The following MARCHF5 variants were observed in gnomAD, a reference collection of about 807,000 sequenced individuals.
MARCHF5 encodes E3 ubiquitin-protein ligase MARCHF5.
Under a neutral mutation model 36.5 loss-of-function variants are expected in MARCHF5, and 5 were observed. That is an observed-to-expected ratio of 0.14 (90% CI 0.07 to 0.29). The LOEUF (loss-of-function observed/expected upper bound fraction) is 0.29. MARCHF5 is among the 10% of genes least tolerant of loss of function. The pLI is 1.00. For synonymous variants in MARCHF5, 103 were observed against 109.9 expected (o/e 0.94, Z 0.39); for missense variants, 179 against 336.3 (o/e 0.53, Z 3.66).
chr10:92,316,547 A>G (rs929664377), intron 2 of MARCHF5, among the ~76,000 whole-genome samples: 1 of 152,148 alleles, frequency 6.6e-6, no homozygotes, highest in African/African-American at 2.4e-5. Context: ...CTTTTACTGA[A>G]TAGAAGTCTG....
chr10:92,300,973 G>A (rs749495525), intron 1 of MARCHF5, among the ~76,000 whole-genome samples: 5 of 148,946 alleles, frequency 3.4e-5, no homozygotes, highest in Non-Finnish European at 7.4e-5. Context: ...GCTCACTGCA[G>A]CCTCCGGGTT....
chr10:92,307,555 G>A (rs1207834708), intron 1 of MARCHF5, among the ~76,000 whole-genome samples: 1 of 151,908 alleles, frequency 6.6e-6, no homozygotes, highest in African/African-American at 2.4e-5. Flanking sequence ...AGGAGATCCT[G>A]TCTCTAAAAA....
At chr10:92,316,134 G>A (rs149974358) in intron 2 of MARCHF5, among the ~76,000 whole-genome samples, 1 of 152,258 alleles carries the variant, frequency 6.6e-6, no homozygotes, top group East Asian at 1.9e-4. Context: ...TATTCTATGG[G>A]ATGATCTCTA....
chr10:92,337,467 G>A (rs933275787), intron 2 of MARCHF5, among the ~76,000 whole-genome samples: 2 of 151,966 alleles, frequency 1.3e-5, no homozygotes, highest in East Asian at 1.9e-4. Flanking sequence ...GCAGTGAGCC[G>A]AGATCGTGCC....
chr10:92,318,947 T>C (rs9731967), intron 2 of MARCHF5, among the ~76,000 whole-genome samples: 16,060 of 152,092 alleles, frequency 0.11, 2,793 homozygotes, highest in African/African-American at 0.37. Flanking sequence ...CCTCAGGTGA[T>C]CCACCCGCCT....
rs558256138 is a variant in MARCHF5 at position 92,345,065 on chromosome 10, A to G, written c.369+4262A>G. On this transcript the variant is annotated intron_variant, in intron 3 of 5. Transcript: ENST00000358935. The stretch of plus-strand genomic sequence containing the variant: ...GAACATTTTATCCTGGAACAGTGGA[A>G]CCTTAATATGTTTAGCCTAGTTCCC... 3.9e-5 allele frequency among the ~76,000 whole-genome samples: 6 copies of G among 152,210 alleles called. No homozygotes were observed. In the South Asian group the frequency reaches 1.2e-3, roughly 32 times the overall value.
intron 2 of MARCHF5, chr10:92,334,343 A>G (rs773580990): frequency 6.6e-6 from 1 of 152,226 alleles, no homozygotes; most frequent in Non-Finnish European, 1.5e-5. Flanking sequence ...CACTTAACAG[A>G]AGGAACTTAT....
At chr10:92,316,745 T>C (rs1216692858) in intron 2 of MARCHF5, among the ~76,000 whole-genome samples, 1 of 151,742 alleles carries the variant, frequency 6.6e-6, no homozygotes, top group Non-Finnish European at 1.5e-5. Context: ...TTTTTCTTTT[T>C]AGAGAGGGGG....
In MARCHF5 at chr10:92,296,881, TATAAACA is replaced by T. The variant is rs1842953738; in HGVS notation, c.35+5355_35+5361del. Among the ~76,000 whole-genome samples, 3 of 152,228 alleles carry T rather than the reference TATAAACA, an allele frequency of 2.0e-5. No individual in the cohort carries two copies. In the East Asian group the frequency reaches 5.8e-4, roughly 29 times the overall value. Reference sequence around the variant, plus strand: ...GCTATACTCTGATAGGAGCATGCTGTATAAACAATTTCACATTTTCTTTGTCAGTTGA... The same window carrying T: ...GCTATACTCTGATAGGAGCATGCTGTATTTCACATTTTCTTTGTCAGTTGA... On this transcript the variant is annotated intron_variant, in intron 1 of 5. Transcript: ENST00000358935.
Position 92,316,787 on chromosome 10 carries a change from G to A in MARCHF5, c.238+5450G>A, listed in dbSNP as rs543385257. Among the ~76,000 whole-genome samples the A allele has an allele frequency of 2.6e-5, 4 of 151,810 alleles. No individual in the cohort carries two copies. The East Asian group carries it at 7.8e-4, about 29-fold the overall frequency. On this transcript the variant is annotated intron_variant, in intron 2 of 5. Transcript: ENST00000358935. ...ATGTTGCCCAGTCTCAAACTTCCTG[G>A]CCTCAAGGGATCCCCCTCCCAAACC...
chr10:92,291,620 C>T lies in MARCHF5; in HGVS notation c.35+91C>T, dbSNP rs534452372. On this transcript the variant is annotated intron_variant, in intron 1 of 5. Coordinates refer to ENST00000358935, the MANE Select transcript of MARCHF5 (RefSeq NM_017824.5). ...CTCGAGGCTCTTGGTGAGCAGAACC[C>T]GGCGTGCCGGGAGGAGTTCCACGGC... The T allele has an allele frequency of 1.9e-5, 27 of 1,428,974 alleles. No homozygotes were observed. In the East Asian group the frequency reaches 7.4e-4, roughly 39 times the overall value. The allele number at this position is 1,428,974 out of a possible 1,614,324, so 88.5% of individuals were successfully genotyped here.
chr10:92,331,127 T>C (rs904291986), intron 2 of MARCHF5, among the ~76,000 whole-genome samples: 1 of 152,234 alleles, frequency 6.6e-6, no homozygotes, highest in Non-Finnish European at 1.5e-5. Context: ...GACTGTGTTA[T>C]ACAGTTAACT....
intron 2 of MARCHF5, among the ~76,000 whole-genome samples, chr10:92,328,821 A>ATATATATATATATATTT (rs372130854): frequency 3.3e-5 from 4 of 122,444 alleles, no homozygotes; most frequent in African/African-American, 1.3e-4. Flanking sequence ...ATATATATAT[A>ATATATATATATATATTT]TTTTTTTTTT....
At chr10:92,298,139 A>G (rs1842969575) in intron 1 of MARCHF5, among the ~76,000 whole-genome samples, 1 of 151,910 alleles carries the variant, frequency 6.6e-6, no homozygotes, top group Non-Finnish European at 1.5e-5. Flanking sequence ...CAAAGGTTGC[A>G]GTGAGCTGAG....
rs1191174512 is a variant in MARCHF5 at position 92,352,720 on chromosome 10, C to T, written c.*1513C>T. The T allele has an allele frequency of 6.6e-6, 1 of 152,376 alleles. No homozygotes were observed. Among genetic ancestry groups the T allele is most frequent in the Admixed American group, 6.6e-5 (1 of 15,248 alleles). The allele number at this position is 152,376 out of a possible 1,614,324, so 9.4% of individuals were successfully genotyped here. On this transcript the variant is annotated 3_prime_UTR_variant, in exon 6 of 6. Coordinates refer to ENST00000358935, the MANE Select transcript of MARCHF5 (RefSeq NM_017824.5). ...AGACTGGTTTCTATAGTATGAATGT[C>T]TTAATTTTGAGTTATATGATGTTTA...
intron 2 of MARCHF5, among the ~76,000 whole-genome samples, chr10:92,328,821 A>ATATATATATATATTT (rs372130854): frequency 2.5e-5 from 3 of 122,440 alleles, no homozygotes; most frequent in African/African-American, 9.5e-5. Context: ...ATATATATAT[A>ATATATATATATATTT]TTTTTTTTTT....
rs1013053482 is a variant in MARCHF5, at chr10:92,297,411, C to A, written c.35+5882C>A. On this transcript the variant is annotated intron_variant, in intron 1 of 5. Coordinates refer to ENST00000358935, the MANE Select transcript of MARCHF5 (RefSeq NM_017824.5). ...TCTCAAACTCCTGGGCTCAAGTGATCCGCTCGCCTCGGCCTCCCAAAGCTC... is the reference window on the plus strand; with the variant it reads ...TCTCAAACTCCTGGGCTCAAGTGATACGCTCGCCTCGGCCTCCCAAAGCTC... Among the ~76,000 whole-genome samples, 64 of 151,700 alleles carry A rather than the reference C, an allele frequency of 4.2e-4. 2 individuals are homozygous for A.
chr10:92,328,835 T>TTA (rs1843402391), intron 2 of MARCHF5, among the ~76,000 whole-genome samples: 2 of 145,282 alleles, frequency 1.4e-5, no homozygotes, highest in East Asian at 2.0e-4. Flanking sequence ...TTTTTTTTTT[T>TTA]ACAGGAATAT....
intron 3 of MARCHF5, among the ~76,000 whole-genome samples, chr10:92,345,132 C>G (rs1843625724): frequency 6.6e-6 from 1 of 151,930 alleles, no homozygotes; most frequent in Non-Finnish European, 1.5e-5. Flanking sequence ...TTAGCATTGC[C>G]CATTCTTAAT....
Sources: allele counts gnomAD v4.1 joint callset (sites outside exome capture counted in the v4.1 genomes callset), GRCh38; gene constraint gnomAD v4.1.1; transcripts MANE v1.5; gene names NCBI Gene and HGNC (gene_info 2026-07-23, HGNC 2026-07-21).